Variants in RBP3 observed in about 807,000 individuals in gnomAD.
The protein encoded by RBP3 is retinol binding protein 3, also known as retinol-binding protein 3.
RBP3 carries 50 observed loss-of-function variants against 64.8 expected under a neutral mutation model. The ratio of observed to expected loss-of-function variants is 0.77; its 90% confidence interval spans 0.61 to 0.98. The LOEUF is 0.98. Ranked by LOEUF, RBP3 falls within the 50% of genes least tolerant of loss-of-function variation. The pLI, the probability that RBP3 is intolerant of heterozygous loss-of-function variation, is 0.00. For missense variants in RBP3, 1,712 were observed against 1,660.5 expected, an observed-to-expected ratio of 1.03 and a Z score of -0.54; for synonymous variants, 828 against 730.2, an observed-to-expected ratio of 1.13 and a Z score of -2.16.
At chr10:47,353,590 G>T in intron 2 of RBP3, 75 bp downstream of exon 2, 10 of 1,563,124 alleles carry the variant, frequency 6.4e-6, no homozygotes, top group Non-Finnish European at 8.8e-6. Flanking sequence ...ATGGGCCACA[G>T]CAGGGAAGAA....
rs200823794 is a variant in RBP3, at chr10:47,349,738, C to T, written c.1254C>T (p.Asp418=). Residue 418 remains aspartate (D), a synonymous_variant, in exon 1 of 4, where the codon GAC becomes GAT. Transcript: ENST00000584701. ...GGGTGGCCCCAGAGTTGCCTGAGGACGAGGCTATCCGGCAAGCACTGGTGG... is the reference window on the plus strand; with the variant it reads ...GGGTGGCCCCAGAGTTGCCTGAGGATGAGGCTATCCGGCAAGCACTGGTGG... ...SPGVAPELPE[D]EAIRQALVDS... 1.5e-5 allele frequency: 24 copies of T among 1,612,478 alleles called. No individual in the cohort carries two copies. The highest frequency in any genetic ancestry group is 8.3e-5 in the Admixed American group (5 of 60,030).
intron 1 of RBP3, among the ~76,000 whole-genome samples, chr10:47,352,564 G>A (rs1438097109): frequency 6.6e-6 from 1 of 152,168 alleles, no homozygotes; most frequent in African/African-American, 2.4e-5. Context: ...CCAGAGAGCT[G>A]TGACTGAGGG....
At position 47,349,050 on chromosome 10, in the gene RBP3, C is replaced by T; in HGVS notation, c.566C>T (p.Pro189Leu). The T allele has an allele frequency of 1.2e-6, 2 of 1,614,052 alleles. 1 individual carries two copies. The highest frequency in any genetic ancestry group is 2.2e-5 in the South Asian group (2 of 91,076). ...CCCTACATCATCTCCTACCTGCACC[C>T]AGGGAACACCATCCTGCACGTGGAC... ...GIPYIISYLH[P>L]GNTILHVDTI... Residue 189 changes from proline (P) to leucine (L), a missense_variant, in exon 1 of 4, where the codon CCA becomes CTA. Pro to Leu is a moderately conservative substitution (Grantham distance 98). Coordinates refer to ENST00000584701, the MANE Select transcript of RBP3 (RefSeq NM_002900.3).
rs1306158316 is a variant in RBP3 at position 47,350,451 on chromosome 10, T to C, written c.1967T>C (p.Val656Ala). 1 of 1,612,094 alleles carries C rather than the reference T, an allele frequency of 6.2e-7. No individual in the cohort carries two copies. Among genetic ancestry groups the C allele is most frequent in the Admixed American group, 1.7e-5 (1 of 59,962 alleles). Residue 656 changes from valine to alanine, a missense_variant, in exon 1 of 4, where the codon GTC becomes GCC. Coordinates refer to ENST00000584701, the MANE Select transcript of RBP3 (RefSeq NM_002900.3). ...LLEAHYARPE[V>A]VGQTSALLRA... ...GAGGCCCACTATGCTCGGCCAGAGG[T>C]CGTGGGGCAGACCAGTGCCCTCCTG...
At chr10:47,355,343 GCCCCTGAACA>G in intron 2 of RBP3, 23 bp from the exon 3 acceptor site, 4 of 1,612,662 alleles carry the variant, frequency 2.5e-6, no homozygotes, top group Non-Finnish European at 3.4e-6. Flanking sequence ...TGTGAGCTCA[GCCCCTGAACA>G]GGCTCTGCTT....
chr10:47,349,257 G>C lies in RBP3; in HGVS notation c.773G>C (p.Arg258Pro). 3 of 1,613,182 alleles carry C rather than the reference G, an allele frequency of 1.9e-6. No individual in the cohort carries two copies. The highest frequency in any genetic ancestry group is 2.5e-6 in the Non-Finnish European group (3 of 1,180,018). Reference protein sequence around the residue: ...QMRRAIVVGERTGGGALDLRK... With the variant: ...QMRRAIVVGEPTGGGALDLRK... ...CGCAGGGCCATCGTGGTGGGCGAGC[G>C]GACTGGGGGAGGGGCCCTGGACCTC... Residue 258 changes from arginine (R) to proline (P), a missense_variant, in exon 1 of 4, where the codon CGG becomes CCG. Transcript: ENST00000584701.
Position 47,350,927 on chromosome 10 carries a change from A to G in RBP3, c.2443A>G (p.Arg815Gly), listed in dbSNP as rs781890578. 1.9e-6 allele frequency: 3 copies of G among 1,613,000 alleles called. No individual in the cohort carries two copies. Among genetic ancestry groups the G allele is most frequent in the Non-Finnish European group, 2.5e-6 (3 of 1,179,994 alleles). The change falls in exon 1 of 4, where the codon AGG (arginine) becomes GGG (glycine). Residue 815 changes from arginine (R) to glycine (G), a missense_variant. Arg to Gly is a moderately radical substitution (Grantham distance 125, BLOSUM62 -2). Transcript: ENST00000584701. ...CCAGCACCTGTATTCTGTCTTTGAC[A>G]GGGCCACCTCAAAAGTCACGGAGGT... ...PRQHLYSVFD[R>G]ATSKVTEVWT...
chr10:47,353,036 T>C (rs1488560695), intron 1 of RBP3, among the ~76,000 whole-genome samples: 1 of 151,914 alleles, frequency 6.6e-6, no homozygotes. Flanking sequence ...TCTGGTAAGG[T>C]TGGAGAGGTC....
Position 47,350,333 on chromosome 10 carries a change from G to C in RBP3, c.1849G>C (p.Val617Leu). The part of the protein sequence containing the change: ...LGGGVVPDAI[V>L]LAEEALDKAQ... ...TGGTGGAGTGGTGCCCGATGCCATC[G>C]TGCTGGCCGAGGAGGCCCTGGACAA... Residue 617 changes from valine (V) to leucine (L), a missense_variant, in exon 1 of 4, where the codon GTG (valine) becomes CTG (leucine). Val to Leu is a conservative substitution (Grantham distance 32, BLOSUM62 1). Transcript: ENST00000584701. 2 of 1,611,616 alleles carry C rather than the reference G, an allele frequency of 1.2e-6. No individual in the cohort carries two copies. Among genetic ancestry groups the C allele is most frequent in the Non-Finnish European group, 1.7e-6 (2 of 1,179,954 alleles).
Position 47,357,516 on chromosome 10 carries a change from G to A in RBP3, c.*59G>A. 6.6e-7 allele frequency: 1 copy of A among 1,505,708 alleles called. No individual in the cohort carries two copies. Among genetic ancestry groups the A allele is most frequent in the Non-Finnish European group, 9.0e-7 (1 of 1,107,468 alleles). The allele number at this position is 1,505,708 out of a possible 1,614,324, so 93.3% of individuals were successfully genotyped here. Reference sequence around the variant, plus strand: ...CAGAACCTCTGGGACACACACCAAGGGCACTCCTGCAGGTGGCCCGGCCTG... The same window carrying A: ...CAGAACCTCTGGGACACACACCAAGAGCACTCCTGCAGGTGGCCCGGCCTG... On this transcript the variant is annotated 3_prime_UTR_variant, in exon 4 of 4. Transcript: ENST00000584701.
Position 47,350,407 on chromosome 10 carries a change from G to C in RBP3, c.1923G>C (p.Glu641Asp), listed in dbSNP as rs782245115. The C allele has an allele frequency of 1.1e-5, 18 of 1,612,244 alleles. No individual in the cohort carries two copies. Among genetic ancestry groups the C allele is most frequent in the Non-Finnish European group, 1.4e-5 (17 of 1,179,798 alleles). Residue 641 changes from glutamate (E) to aspartate (D), a missense_variant, in exon 1 of 4, where the codon GAG becomes GAC. Glu to Asp is a conservative substitution (Grantham distance 45). Coordinates refer to ENST00000584701, the MANE Select transcript of RBP3 (RefSeq NM_002900.3). Reference protein sequence around the residue: ...EFHQSLGALVEGTGHLLEAHY... With the variant: ...EFHQSLGALVDGTGHLLEAHY... ...ACCAAAGCCTGGGGGCCTTGGTGGA[G>C]GGCACAGGGCACCTGCTGGAGGCCC...
Position 47,357,393 on chromosome 10 carries a change from A to C in RBP3, c.3680A>C (p.Lys1227Thr). 1.2e-6 allele frequency: 2 copies of C among 1,614,118 alleles called. No individual in the cohort carries two copies. Among genetic ancestry groups the C allele is most frequent in the African/African-American group, 1.3e-5 (1 of 75,072 alleles). The change falls in exon 4 of 4, where the codon AAG (lysine) becomes ACG (threonine). Residue 1227 changes from lysine to threonine, a missense_variant. Coordinates refer to ENST00000584701, the MANE Select transcript of RBP3 (RefSeq NM_002900.3). ...GCAGAAGAGGCTCTCGCCAGGGCCA[A>C]GGAGATGCTCCAGCACAACCAGCTG... Reference protein sequence around the residue: ...VPAEEALARAKEMLQHNQLRV... With the variant: ...VPAEEALARATEMLQHNQLRV...
rs1377921870 is a variant in RBP3, at chr10:47,348,880, C to T, written c.396C>T (p.Tyr132=). Residue 132 remains tyrosine, a synonymous_variant, in exon 1 of 4, where the codon TAC becomes TAT. Coordinates refer to ENST00000584701, the MANE Select transcript of RBP3 (RefSeq NM_002900.3). ...AGGTTCTGGAGGGTAATGTGGGCTA[C>T]CTGCGGGTGGACAGCGTCCCGGGCC... ...RHEVLEGNVG[Y]LRVDSVPGQE... is the part of the protein sequence containing the mutation. The T allele has an allele frequency of 3.2e-5, 51 of 1,613,900 alleles. No homozygotes were observed. The highest frequency in any genetic ancestry group is 4.2e-5 in the Non-Finnish European group (50 of 1,180,038).
In RBP3 at chr10:47,348,616, C is replaced by A. The variant is rs2132252140; in HGVS notation, c.132C>A (p.Asn44Lys). ...TGGATAACTACTGCTTCCCGGAGAA[C>A]CTGCTGGGCATGCAGGAAGCCATCC... is the stretch of plus-strand genomic sequence containing the variant. ...VLLDNYCFPENLLGMQEAIQQ... is the reference protein window; with the variant it reads ...VLLDNYCFPEKLLGMQEAIQQ... The change falls in exon 1 of 4, where the codon AAC becomes AAA. Residue 44 changes from asparagine (N) to lysine (K), a missense_variant. By Grantham distance (94) the Asn-to-Lys change is moderately conservative (BLOSUM62 0). Transcript: ENST00000584701. The A allele has an allele frequency of 6.2e-7, 1 of 1,613,538 alleles. No individual in the cohort carries two copies. The highest frequency in any genetic ancestry group is 1.1e-5 in the South Asian group (1 of 91,080).
At chr10:47,356,989 C>A (rs1451368290) in intron 3 of RBP3, 113 bp from the exon 4 acceptor site, 2 of 926,774 alleles carry the variant, frequency 2.2e-6, no homozygotes, top group East Asian at 5.3e-5. Flanking sequence ...CACAAGGACA[C>A]AGACCTAAAC....
In RBP3 at chr10:47,351,264, C is replaced by G. The variant is rs1390054797; in HGVS notation, c.2780C>G (p.Ala927Gly). The G allele has an allele frequency of 3.1e-6, 5 of 1,613,296 alleles. No individual in the cohort carries two copies. In the African/African-American group the frequency reaches 4.0e-5, roughly 13 times the overall value. Residue 927 changes from alanine (A) to glycine (G), a missense_variant, in exon 1 of 4, where the codon GCC becomes GGC. Transcript: ENST00000584701. ...CCCATGAGCGAAGCCCTTTCCATAG[C>G]CCAGGACATAGTGGCTCTGCGTGCC... ...TVPMSEALSI[A>G]QDIVALRAKV...
chr10:47,348,866 G>A lies in RBP3; in HGVS notation c.382G>A (p.Gly128Ser). 1 of 1,613,910 alleles carries A rather than the reference G, an allele frequency of 6.2e-7. No homozygotes were observed. Residue 128 changes from glycine to serine, a missense_variant, in exon 1 of 4, where the codon GGT (glycine) becomes AGT (serine). By Grantham distance (56) the Gly-to-Ser change is moderately conservative. Coordinates refer to ENST00000584701, the MANE Select transcript of RBP3 (RefSeq NM_002900.3). ...GGGCCTCCGCCATGAGGTTCTGGAG[G>A]GTAATGTGGGCTACCTGCGGGTGGA... ...QRGLRHEVLE[G>S]NVGYLRVDSV... is the part of the protein sequence containing the mutation.
At chr10:47,351,678 C>G in intron 1 of RBP3, 140 bp downstream of exon 1, 2 of 1,077,484 alleles carry the variant, frequency 1.9e-6, no homozygotes, top group Non-Finnish European at 2.8e-6. Flanking sequence ...CGGTCAAGTC[C>G]TTTCCTCTTT....
In RBP3 at chr10:47,350,762, G is replaced by T. The variant is rs782109249; in HGVS notation, c.2278G>T (p.Val760Leu). The T allele has an allele frequency of 6.2e-7, 1 of 1,613,052 alleles. No homozygotes were observed. The highest frequency in any genetic ancestry group is 1.7e-5 in the Admixed American group (1 of 60,010). Reference protein sequence around the residue: ...AMAELETVKAVGPQLVRLVWQ... With the variant: ...AMAELETVKALGPQLVRLVWQ... ...GGCTGAACTGGAGACAGTGAAGGCC[G>T]TGGGGCCACAGCTGGTGCGGCTGGT... The change falls in exon 1 of 4, where the codon GTG becomes TTG. Residue 760 changes from valine to leucine, a missense_variant. Transcript: ENST00000584701.
Sources: allele counts gnomAD v4.1 joint callset (sites outside exome capture counted in the v4.1 genomes callset), GRCh38; gene constraint gnomAD v4.1.1; transcripts MANE v1.5; gene names NCBI Gene and HGNC (gene_info 2026-07-23, HGNC 2026-07-21).